The following USP47 variants were observed in gnomAD, a reference collection of about 807,000 sequenced individuals.
USP47 encodes the protein ubiquitin carboxyl-terminal hydrolase 47.
In USP47, 35 loss-of-function variants were observed where a neutral mutation model predicts 165.1. The observed-to-expected ratio is 0.21, with a 90% CI of 0.16 to 0.28. The LOEUF (loss-of-function observed/expected upper bound fraction) is 0.28, where lower values mean the gene tolerates loss of function less well. Among genes scored for constraint, USP47 ranks in the 10% least tolerant of loss-of-function variants. USP47 has a pLI of 1.00. For missense variants in USP47, 1,277 were observed against 1,607.4 expected (o/e 0.79, Z 3.52); for synonymous variants, 531 against 544.5 (o/e 0.98, Z 0.35).
intron 5 of USP47, among the ~76,000 whole-genome samples, chr11:11,901,258 T>G (rs545498512): frequency 6.6e-6 from 1 of 152,282 alleles, no homozygotes; most frequent in South Asian, 2.1e-4. Context: ...AAAAGTCTTT[T>G]AGTATGTCTG....
At chr11:11,933,785 G>C (rs1157952369) in intron 15 of USP47, 46 bp from the exon 16 acceptor site, 4 of 1,353,646 alleles carry the variant, frequency 3.0e-6, no homozygotes, top group Non-Finnish European at 4.2e-6. Context: ...CGGAAGAATT[G>C]AACTTTGGAA....
At position 11,865,251 on chromosome 11, in the gene USP47, C is replaced by A. The variant is rs541409341; in HGVS notation, c.40-14926C>A. Among the ~76,000 whole-genome samples, 146 of 151,822 alleles carry A rather than the reference C, an allele frequency of 9.6e-4. 1 individual carries two copies. The highest frequency in any genetic ancestry group is 3.4e-3 in the African/African-American group (142 of 41,406). On this transcript the variant is annotated intron_variant, in intron 1 of 27. Transcript: ENST00000527733. ...TTCTTTGAGTACTTTTTAAACCTGC[C>A]CTCTTTCTCCTTTTCTTCCCAGTTC...
Position 11,961,566 on chromosome 11 carries a change from A to T in USP47, c.*5391A>T, listed in dbSNP as rs1847455061. 2.0e-5 allele frequency among the ~76,000 whole-genome samples: 3 copies of T among 152,208 alleles called. No individual in the cohort carries two copies. The highest frequency in any genetic ancestry group is 4.4e-5 in the Non-Finnish European group (3 of 68,034). ...CCTCCAGAGGAATGCAGCCCTGTTGATCACATGATCACCAGATGGCTGCCC... is the reference window on the plus strand; with the variant it reads ...CCTCCAGAGGAATGCAGCCCTGTTGTTCACATGATCACCAGATGGCTGCCC... On this transcript the variant is annotated 3_prime_UTR_variant, in exon 28 of 28. Transcript: ENST00000527733.
intron 4 of USP47, 132 bp downstream of exon 4, chr11:11,892,238 G>A (rs1265326505): frequency 1.9e-5 from 17 of 915,340 alleles, no homozygotes; most frequent in Non-Finnish European, 2.5e-5. Flanking sequence ...GCTAGCAGCC[G>A]CAAAGTTAGA....
At chr11:11,870,163 G>T in intron 1 of USP47, among the ~76,000 whole-genome samples, 1 of 146,828 alleles carries the variant, frequency 6.8e-6, no homozygotes, top group African/African-American at 2.5e-5. Context: ...TATTTTTATT[G>T]TTTCCTTTTA....
At chr11:11,950,564 T>C in intron 24 of USP47, 82 bp downstream of exon 24, 3 of 958,978 alleles carry the variant, frequency 3.1e-6, no homozygotes, top group Non-Finnish European at 4.8e-6. Flanking sequence ...AATCAAATAA[T>C]GAGTTACGAG....
intron 4 of USP47, among the ~76,000 whole-genome samples, chr11:11,893,304 G>T (rs1851658765): frequency 6.6e-6 from 1 of 152,118 alleles, no homozygotes; most frequent in South Asian, 2.1e-4. Flanking sequence ...GTCATTAATG[G>T]TGTTTCATGC....
intron 11 of USP47, among the ~76,000 whole-genome samples, chr11:11,923,670 A>C (rs1854028675): frequency 6.6e-6 from 1 of 152,210 alleles, no homozygotes. Context: ...CAGAGTCATT[A>C]AATATAGGGA....
intron 3 of USP47, among the ~76,000 whole-genome samples, chr11:11,890,270 C>T (rs1050643022): frequency 6.6e-6 from 1 of 152,116 alleles, no homozygotes; most frequent in African/African-American, 2.4e-5. Flanking sequence ...AGACAGCCTA[C>T]AGAATGGGAG....
At chr11:11,947,848 G>T in intron 20 of USP47, 97 bp from the exon 21 acceptor site, 3 of 1,286,632 alleles carry the variant, frequency 2.3e-6, no homozygotes, top group Non-Finnish European at 2.1e-6. Context: ...ACTCTTTACT[G>T]CATACAGTGT....
intron 8 of USP47, among the ~76,000 whole-genome samples, chr11:11,913,691 C>A (rs1490383607): frequency 6.6e-6 from 1 of 151,826 alleles, no homozygotes; most frequent in Non-Finnish European, 1.5e-5. Context: ...TCAGTAAGTT[C>A]TAGTGTTTGA....
chr11:11,931,728 C>T (rs951090656), intron 14 of USP47, among the ~76,000 whole-genome samples: 12 of 152,108 alleles, frequency 7.9e-5, no homozygotes, highest in East Asian at 1.9e-4. Context: ...TTACCTTTTA[C>T]GGACACATGC....
chr11:11,956,312 A>T lies in USP47; in HGVS notation c.*137A>T. 3 of 791,090 alleles carry T rather than the reference A, an allele frequency of 3.8e-6. No homozygotes were observed. Among genetic ancestry groups the T allele is most frequent in the South Asian group, 2.2e-5 (1 of 45,952 alleles). 49.0% of individuals were successfully genotyped at this position (791,090 alleles called of 1,614,324 possible). A position where few individuals can be genotyped will look rare whatever the true frequency, so the allele number is the denominator to read the frequency against. ...AGCACTGATTGGACTGCCCTACACC[A>T]ATCAGAAGCTCAGTGCCCAATGGGC... On this transcript the variant is annotated 3_prime_UTR_variant, in exon 28 of 28. Transcript: ENST00000527733.
intron 16 of USP47, among the ~76,000 whole-genome samples, chr11:11,934,296 C>G (rs1019542356): frequency 2.0e-5 from 3 of 152,072 alleles, no homozygotes; most frequent in Admixed American, 2.0e-4. Flanking sequence ...CCAAAGTGAA[C>G]AAGGCGTGGT....
intron 1 of USP47, among the ~76,000 whole-genome samples, chr11:11,871,180 G>T (rs1490362423): frequency 6.6e-6 from 1 of 152,048 alleles, no homozygotes; most frequent in Non-Finnish European, 1.5e-5. Context: ...CTTATCTGAT[G>T]CCCTGTGCAT....
intron 8 of USP47, among the ~76,000 whole-genome samples, chr11:11,906,481 G>T (rs1852571933): frequency 6.6e-6 from 1 of 152,116 alleles, no homozygotes; most frequent in Non-Finnish European, 1.5e-5. Flanking sequence ...CCTCTAGGAT[G>T]ATTGATTCCT....
At chr11:11,900,693 G>A (rs1016973475) in intron 5 of USP47, among the ~76,000 whole-genome samples, 5 of 152,160 alleles carry the variant, frequency 3.3e-5, no homozygotes, top group Non-Finnish European at 5.9e-5. Context: ...AACTAACATG[G>A]CTTAGTGACA....
At chr11:11,893,739 G>T (rs1293444411) in intron 4 of USP47, among the ~76,000 whole-genome samples, 1 of 151,922 alleles carries the variant, frequency 6.6e-6, no homozygotes, top group Non-Finnish European at 1.5e-5. Flanking sequence ...CTAGAGATGA[G>T]GTCTCACTGT....
At position 11,956,879 on chromosome 11, in the gene USP47, T is replaced by C. The variant is rs1043258291; in HGVS notation, c.*704T>C. ...TAACTGATTGTACTTAAGTTATGGA[T>C]GTAGAGAATATGTTTCATTCATTTA... On this transcript the variant is annotated 3_prime_UTR_variant, in exon 28 of 28. Coordinates refer to ENST00000527733, the MANE Select transcript of USP47 (RefSeq NM_001282659.2). 2.0e-5 allele frequency: 3 copies of C among 152,356 alleles called. No homozygotes were observed. Among genetic ancestry groups the C allele is most frequent in the African/African-American group, 7.2e-5 (3 of 41,462 alleles). 9.4% of individuals were successfully genotyped at this position (152,356 alleles called of 1,614,324 possible). A position where few individuals can be genotyped will look rare whatever the true frequency, so the allele number is the denominator to read the frequency against.
Sources: allele counts gnomAD v4.1 joint callset (sites outside exome capture counted in the v4.1 genomes callset), GRCh38; gene constraint gnomAD v4.1.1; transcripts MANE v1.5; gene names NCBI Gene and HGNC (gene_info 2026-07-23, HGNC 2026-07-21).